TXNDC12: variants seen among roughly 807,000 people sequenced by gnomAD.
TXNDC12 encodes thioredoxin domain containing 12.
TXNDC12 carries 22 observed loss-of-function variants against 24.2 expected under a neutral mutation model. The ratio of observed to expected loss-of-function variants is 0.91; its 90% CI spans 0.65 to 1.30. TXNDC12 has a LOEUF of 1.30. Ranked by LOEUF, TXNDC12 falls within the 50% of genes most tolerant of loss-of-function variation. The probability of loss-of-function intolerance (pLI) is 0.00; values close to 1 mark genes in which losing one functional copy is unlikely to be tolerated. For missense variants in TXNDC12, 184 were observed against 205.8 expected (o/e 0.89, Z 0.65); for synonymous variants, 58 against 73.4 (o/e 0.79, Z 1.07).
chr1:52,055,853 G>C (rs1686333950), upstream of TXNDC12: 1 of 152,210 alleles, frequency 6.6e-6, no homozygotes, highest in Non-Finnish European at 1.5e-5. Context: ...CAGGATATAA[G>C]TCACTGCAGG....
At chr1:52,038,285 G>C (rs1018848055) in intron 2 of TXNDC12, among the ~76,000 whole-genome samples, 3 of 151,542 alleles carry the variant, frequency 2.0e-5, no homozygotes, top group Admixed American at 6.6e-5. Flanking sequence ...GCTGCCTCTT[G>C]GTCAGCATAA....
chr1:52,032,448 A>T, intron 2 of TXNDC12: 3 of 1,252,252 alleles, frequency 2.4e-6, no homozygotes, highest in Non-Finnish European at 3.0e-6. Context: ...ATCCCTGTCC[A>T]CCTTAGCTCT....
chr1:52,033,629 C>G (rs1481833186), intron 2 of TXNDC12: 1 of 1,612,200 alleles, frequency 6.2e-7, no homozygotes, highest in Admixed American at 1.7e-5. Context: ...ACCGCTGGGT[C>G]CTCTGCGCCC....
At chr1:52,053,321 C>T (rs10493162) in intron 1 of TXNDC12, among the ~76,000 whole-genome samples, 3 of 151,918 alleles carry the variant, frequency 2.0e-5, no homozygotes, top group African/African-American at 4.8e-5. Context: ...TCTAAACCCA[C>T]GTACCCAACA....
intron 3 of TXNDC12, 125 bp from the exon 4 acceptor site, chr1:52,027,473 A>C (rs1419884537): frequency 7.1e-6 from 5 of 704,612 alleles, no homozygotes; most frequent in Non-Finnish European, 1.2e-5. Context: ...TCATATAACA[A>C]ACTTTTTTTA....
At chr1:52,022,335 C>T (rs148216445) in intron 6 of TXNDC12, among the ~76,000 whole-genome samples, 2 of 152,306 alleles carry the variant, frequency 1.3e-5, no homozygotes, top group East Asian at 3.9e-4. Flanking sequence ...TCCAGAATGA[C>T]TGTGCTCAAA....
At chr1:52,025,409 G>A (rs1399302899) in intron 4 of TXNDC12, among the ~76,000 whole-genome samples, 2 of 151,848 alleles carry the variant, frequency 1.3e-5, no homozygotes, top group South Asian at 2.1e-4. Flanking sequence ...TAGTAGAGAC[G>A]GGGTTTCACC....
At chr1:52,031,113 T>C (rs1057475651) in intron 2 of TXNDC12, among the ~76,000 whole-genome samples, 2 of 152,084 alleles carry the variant, frequency 1.3e-5, no homozygotes, top group African/African-American at 4.8e-5. Context: ...TCCAAAGCAT[T>C]TTGTCTTTTG....
intron 1 of TXNDC12, among the ~76,000 whole-genome samples, chr1:52,049,191 A>T (rs1572011981): frequency 6.6e-6 from 1 of 152,196 alleles, no homozygotes; most frequent in East Asian, 1.9e-4. Flanking sequence ...ACTCCAAGGT[A>T]GACCACAACC....
At chr1:52,039,910 A>AT (rs897838237) in intron 2 of TXNDC12, among the ~76,000 whole-genome samples, 4 of 151,630 alleles carry the variant, frequency 2.6e-5, no homozygotes, top group Non-Finnish European at 5.9e-5. Flanking sequence ...GAAGTTTTTT[A>AT]TTTTTTTATT....
chr1:52,036,289 A>AAAAGAAAATGTTAT (rs776793309), intron 2 of TXNDC12, among the ~76,000 whole-genome samples: 3 of 152,220 alleles, frequency 2.0e-5, no homozygotes, highest in Non-Finnish European at 4.4e-5. Flanking sequence ...TAAACTAGAG[A>AAAAGAAAATGTTAT]AAAGAAAATG....
intron 1 of TXNDC12, 113 bp from the exon 2 acceptor site, chr1:52,041,710 G>A: frequency 4.6e-6 from 3 of 648,788 alleles, no homozygotes; most frequent in Non-Finnish European, 5.2e-6. Flanking sequence ...TCTGTCAAGA[G>A]CTTGGTGTTC....
intron 1 of TXNDC12, among the ~76,000 whole-genome samples, chr1:52,054,246 C>A (rs1459333568): frequency 6.6e-6 from 1 of 151,558 alleles, no homozygotes; most frequent in Non-Finnish European, 1.5e-5. Flanking sequence ...GGGTTGGGAT[C>A]CATGCTACAA....
intron 2 of TXNDC12, among the ~76,000 whole-genome samples, chr1:52,028,865 T>C (rs1056107373): frequency 6.6e-6 from 1 of 152,180 alleles, no homozygotes; most frequent in African/African-American, 2.4e-5. Context: ...CAGTGGCTCA[T>C]GTCTGTAATC....
At chr1:52,021,412 C>T (rs1295921583) in intron 6 of TXNDC12, among the ~76,000 whole-genome samples, 1 of 150,942 alleles carries the variant, frequency 6.6e-6, no homozygotes, top group Non-Finnish European at 1.5e-5. Flanking sequence ...CCCATTGTAT[C>T]TTTTGGATGA....
At chr1:52,027,387 C>G in intron 3 of TXNDC12, 39 bp from the exon 4 acceptor site, 1 of 1,406,978 alleles carries the variant, frequency 7.1e-7, no homozygotes, top group African/African-American at 1.4e-5. Context: ...GAAAAAACAT[C>G]ATTGTCACAA....
intron 6 of TXNDC12, chr1:52,023,195 T>A: frequency 3.4e-6 from 1 of 298,044 alleles, no homozygotes; most frequent in East Asian, 7.9e-5. Context: ...AAAAACTAAG[T>A]TCTGGACTCA....
intron 1 of TXNDC12, among the ~76,000 whole-genome samples, chr1:52,042,099 C>T (rs1476523895): frequency 6.6e-6 from 1 of 152,104 alleles, no homozygotes; most frequent in East Asian, 1.9e-4. Context: ...TCTGTAAAAG[C>T]AAGACAATAA....
intron 1 of TXNDC12, among the ~76,000 whole-genome samples, chr1:52,044,460 G>A (rs578230766): frequency 6.6e-6 from 1 of 152,296 alleles, no homozygotes; most frequent in East Asian, 1.9e-4. Flanking sequence ...TTCCAGGATA[G>A]CCAATGAAGA....
Sources: gnomAD v4.1 joint callset for allele counts (sites outside exome capture counted in the v4.1 genomes callset) on GRCh38, gnomAD v4.1.1 for gene constraint, MANE v1.5 for transcripts, NCBI Gene and HGNC (gene_info 2026-07-23, HGNC 2026-07-21) for gene names.